Variants in MBNL1 observed in about 807,000 individuals in gnomAD.
MBNL1 encodes the protein muscleblind-like protein 1.
MBNL1 carries 8 observed loss-of-function variants against 42.2 expected under a neutral mutation model. The observed-to-expected ratio is 0.19, with a 90% CI of 0.11 to 0.34. MBNL1 has a LOEUF of 0.34. MBNL1 is among the 10% of genes least tolerant of loss of function. The pLI is 1.00. For synonymous variants in MBNL1, 169 were observed against 173.9 expected, an observed-to-expected ratio of 0.97 and a Z score of 0.22; for missense variants, 309 against 495.3, an observed-to-expected ratio of 0.62 and a Z score of 3.57.
intron 2 of MBNL1, among the ~76,000 whole-genome samples, chr3:152,373,253 A>G (rs550539354): frequency 1.3e-5 from 2 of 150,028 alleles, no homozygotes; most frequent in East Asian, 4.0e-4. Context: ...GGTGGGATCC[A>G]CTGATCCACT....
chr3:152,443,509 A>ACACACACACACACACACAC (rs1560616953), intron 4 of MBNL1, among the ~76,000 whole-genome samples: 1 of 38,002 alleles, frequency 2.6e-5, no homozygotes, highest in East Asian at 1.4e-3. Flanking sequence ...CACACACACA[A>ACACACACACACACACACAC]CTTTTTATCA....
At chr3:152,416,550 C>A (rs1473322702) in intron 3 of MBNL1, among the ~76,000 whole-genome samples, 1 of 152,184 alleles carries the variant, frequency 6.6e-6, no homozygotes, top group African/African-American at 2.4e-5. Context: ...TGGCTACCAC[C>A]TTAGCTCCTC....
chr3:152,344,792 G>A (rs765498826), intron 2 of MBNL1, among the ~76,000 whole-genome samples: 3 of 152,034 alleles, frequency 2.0e-5, no homozygotes, highest in Non-Finnish European at 2.9e-5. Flanking sequence ...GTCCATTTGT[G>A]CTATTATTAT....
chr3:152,450,387 G>A (rs1295812989), intron 6 of MBNL1, among the ~76,000 whole-genome samples: 2 of 152,088 alleles, frequency 1.3e-5, no homozygotes, highest in Non-Finnish European at 2.9e-5. Flanking sequence ...AGGTTAAAAT[G>A]GATAGCTCTT....
intron 2 of MBNL1, among the ~76,000 whole-genome samples, chr3:152,339,421 A>G (rs756300370): frequency 9.9e-5 from 15 of 151,974 alleles, no homozygotes; most frequent in Non-Finnish European, 2.2e-4. Flanking sequence ...ACAATACAAA[A>G]CACCTCTTCA....
chr3:152,384,043 A>G lies in MBNL1; in HGVS notation c.175-30898A>G, dbSNP rs189922497. Among the ~76,000 whole-genome samples, 14 of 152,266 alleles carry G rather than the reference A, an allele frequency of 9.2e-5. No homozygotes were observed. In the East Asian group the frequency reaches 2.7e-3, roughly 29 times the overall value. On this transcript the variant is annotated intron_variant, in intron 2 of 9. Coordinates refer to ENST00000324210, the MANE Select transcript of MBNL1 (RefSeq NM_021038.5). Reference sequence around the variant, plus strand: ...TATTCGTTATTTGGGTAATGAAGTAACAAACATTTTAATGTTACTTTTCAA... The same window carrying G: ...TATTCGTTATTTGGGTAATGAAGTAGCAAACATTTTAATGTTACTTTTCAA...
intron 2 of MBNL1, among the ~76,000 whole-genome samples, chr3:152,361,096 GA>G (rs1021195776): frequency 3.3e-5 from 5 of 152,044 alleles, no homozygotes; most frequent in African/African-American, 1.2e-4. Context: ...TGTAAGTGTA[GA>G]AAAAAACCCA....
chr3:152,251,548 CTTTG>C (rs1200188261), intron 2 of MBNL1, among the ~76,000 whole-genome samples: 1 of 151,980 alleles, frequency 6.6e-6, no homozygotes, highest in Non-Finnish European at 1.5e-5. Flanking sequence ...CGTATCATTT[CTTTG>C]TCTTTTATGA....
chr3:152,290,033 T>C (rs1489943629), intron 1 of MBNL1, among the ~76,000 whole-genome samples: 1 of 152,112 alleles, frequency 6.6e-6, no homozygotes, highest in East Asian at 1.9e-4. Flanking sequence ...TTCTATACTT[T>C]TTTTCATAAT....
chr3:152,364,261 T>C (rs952615874), intron 2 of MBNL1, among the ~76,000 whole-genome samples: 8 of 152,136 alleles, frequency 5.3e-5, no homozygotes, highest in Non-Finnish European at 8.8e-5. Context: ...TTAAAATTCC[T>C]TAAGACAAGA....
chr3:152,262,428 T>C (rs1372062873), intron 2 of MBNL1, among the ~76,000 whole-genome samples: 2 of 151,872 alleles, frequency 1.3e-5, no homozygotes, highest in Non-Finnish European at 2.9e-5. Context: ...TAACAAAAGA[T>C]CCACAGAGAG....
intron 2 of MBNL1, among the ~76,000 whole-genome samples, chr3:152,324,481 CATGTTCA>C (rs1487186868): frequency 2.6e-5 from 4 of 152,116 alleles, no homozygotes; most frequent in Admixed American, 2.6e-4. Context: ...TTCCCAATTC[CATGTTCA>C]ATGATGTCTT....
chr3:152,331,675 G>A (rs1396771373), intron 2 of MBNL1, among the ~76,000 whole-genome samples: 1 of 152,096 alleles, frequency 6.6e-6, no homozygotes, highest in Non-Finnish European at 1.5e-5. Context: ...TCATTTACAT[G>A]TATTACTTCA....
intron 3 of MBNL1, among the ~76,000 whole-genome samples, chr3:152,421,977 A>AAG (rs201288045): frequency 6.6e-6 from 1 of 152,126 alleles, no homozygotes; most frequent in African/African-American, 2.4e-5. Context: ...AAAAAAAAAA[A>AAG]TACCAAAATG....
intron 2 of MBNL1, among the ~76,000 whole-genome samples, chr3:152,317,488 T>C (rs1230251027): frequency 5.3e-5 from 8 of 151,978 alleles, no homozygotes; most frequent in Admixed American, 2.6e-4. Flanking sequence ...CCGGGCTAAT[T>C]TTTGTATTTT....
chr3:152,327,680 C>A (rs2081282081), intron 2 of MBNL1, among the ~76,000 whole-genome samples: 1 of 151,964 alleles, frequency 6.6e-6, no homozygotes, highest in African/African-American at 2.4e-5. Context: ...GTTTGGGTTT[C>A]TTTTCCACTC....
At chr3:152,283,025 G>A (rs1443265325) in intron 1 of MBNL1, among the ~76,000 whole-genome samples, 1 of 152,174 alleles carries the variant, frequency 6.6e-6, no homozygotes, top group African/African-American at 2.4e-5. Context: ...AGCCTTGTAA[G>A]TTTCAGAAGG....
At chr3:152,269,546 T>G (rs1422670266) in intron 1 of MBNL1, 1 of 455,452 alleles carries the variant, frequency 2.2e-6, no homozygotes, top group South Asian at 1.6e-5. Flanking sequence ...GGTTTTCATC[T>G]GGGCCAAATA....
At chr3:152,317,848 G>A (rs7610095) in intron 2 of MBNL1, among the ~76,000 whole-genome samples, 71,052 of 151,954 alleles carry the variant, frequency 0.47, 16,778 homozygotes, top group East Asian at 0.54. Context: ...ACTTTATTTC[G>A]TTCATTTGGT....
Sources: gnomAD v4.1 joint callset for allele counts (sites outside exome capture counted in the v4.1 genomes callset) on GRCh38, gnomAD v4.1.1 for gene constraint, MANE v1.5 for transcripts, NCBI Gene and HGNC (gene_info 2026-07-23, HGNC 2026-07-21) for gene names.